The following LGMN variants were observed in gnomAD, a reference collection of about 807,000 sequenced individuals.
The protein encoded by LGMN is asparaginyl endopeptidase.
In LGMN, 36 loss-of-function variants were observed where a neutral mutation model predicts 56.8. The ratio of observed to expected loss-of-function variants is 0.63; its 90% CI spans 0.49 to 0.84. The LOEUF (loss-of-function observed/expected upper bound fraction) is 0.84. Among genes scored for constraint, LGMN ranks in the 40% least tolerant of loss-of-function variants. The pLI, the probability that LGMN is intolerant of heterozygous loss-of-function variation, is 0.00. For synonymous variants in LGMN, 199 were observed against 210.1 expected, an observed-to-expected ratio of 0.95 and a Z score of 0.46; for missense variants, 446 against 556.1, an observed-to-expected ratio of 0.80 and a Z score of 1.99.
intron 2 of LGMN, among the ~76,000 whole-genome samples, chr14:92,731,868 GC>G (rs1264402211): frequency 2.0e-5 from 3 of 152,228 alleles, no homozygotes; most frequent in Non-Finnish European, 4.4e-5. Flanking sequence ...TTGAGGAACT[GC>G]CAGACTCTTT....
At chr14:92,729,021 G>A (rs969512748) in intron 2 of LGMN, among the ~76,000 whole-genome samples, 7 of 151,986 alleles carry the variant, frequency 4.6e-5, no homozygotes, top group South Asian at 2.1e-4. Flanking sequence ...GACATGCATC[G>A]CCAGCACCCT....
chr14:92,732,681 C>T lies in LGMN; in HGVS notation c.106G>A (p.Gly36Ser). 1 of 1,614,102 alleles carries T rather than the reference C, an allele frequency of 6.2e-7. No individual in the cohort carries two copies. Among genetic ancestry groups the T allele is most frequent in the Non-Finnish European group, 8.5e-7 (1 of 1,180,034 alleles). ...GGKHWVVIVA[G>S]SNGWYNYRHQ... ...CTATAATTATACCAGCCATTTGAAC[C>T]TGCCACGATCACCACCCAGTGCTTG... Residue 36 changes from glycine to serine, a missense_variant, in exon 2 of 14, where the codon GGT becomes AGT. Coordinates refer to ENST00000334869, the MANE Select transcript of LGMN (RefSeq NM_005606.7).
rs752808040 is a variant in LGMN at position 92,712,812 on chromosome 14, G to A, written c.603C>T (p.Asn201=). 1.9e-6 allele frequency: 3 copies of A among 1,613,822 alleles called. No individual in the cohort carries two copies. The highest frequency in any genetic ancestry group is 2.5e-6 in the Non-Finnish European group (3 of 1,179,906). Residue 201 remains asparagine, a synonymous_variant, in exon 8 of 14, where the codon AAC becomes AAT. Coordinates refer to ENST00000334869, the MANE Select transcript of LGMN (RefSeq NM_005606.7). ...SGSMMNHLPD[N]INVYATTAAN... ...GGCGCCCCAACCACCTACCATTGATGTTATCCGGCAGGTGGTTCATCATGG... is the reference window on the plus strand; with the variant it reads ...GGCGCCCCAACCACCTACCATTGATATTATCCGGCAGGTGGTTCATCATGG...
intron 3 of LGMN, among the ~76,000 whole-genome samples, chr14:92,718,393 G>A (rs1890178671): frequency 6.6e-6 from 1 of 152,066 alleles, no homozygotes; most frequent in African/African-American, 2.4e-5. Flanking sequence ...GGCCAACATG[G>A]TGAAATCCTG....
intron 12 of LGMN, 99 bp from the exon 13 acceptor site, chr14:92,704,806 T>G (rs1889344304): frequency 6.4e-6 from 6 of 936,808 alleles, no homozygotes; most frequent in Non-Finnish European, 1.1e-5. Context: ...GACCAGTGGC[T>G]CTTGCCCTAT....
At chr14:92,707,578 C>T (rs1889505732) in intron 11 of LGMN, among the ~76,000 whole-genome samples, 1 of 152,248 alleles carries the variant, frequency 6.6e-6, no homozygotes, top group African/African-American at 2.4e-5. Context: ...GATACTCCCA[C>T]ATGTAAAGCA....
intron 11 of LGMN, 36 bp downstream of exon 11, chr14:92,709,636 C>T (rs1283141159): frequency 3.2e-6 from 5 of 1,582,758 alleles, no homozygotes; most frequent in African/African-American, 1.3e-5. Context: ...GGGCTGGGGA[C>T]AGCACCTGGG....
At chr14:92,738,399 C>G (rs146725075) in intron 1 of LGMN, among the ~76,000 whole-genome samples, 2,254 of 151,818 alleles carry the variant, frequency 0.015, 60 homozygotes, top group African/African-American at 0.052. Context: ...CTGCCTCAGC[C>G]TCCCGAGCAG....
chr14:92,724,057 GA>G (rs1890627610), intron 2 of LGMN, among the ~76,000 whole-genome samples: 1 of 152,176 alleles, frequency 6.6e-6, no homozygotes, highest in Non-Finnish European at 1.5e-5. Context: ...TGGGATGATG[GA>G]AATATCAAAC....
At chr14:92,707,778 C>T in intron 11 of LGMN, among the ~76,000 whole-genome samples, 1 of 152,076 alleles carries the variant, frequency 6.6e-6, no homozygotes, top group East Asian at 1.9e-4. Context: ...AATAGTTAAA[C>T]AGTCTTGGAA....
At chr14:92,741,192 G>GA (rs796646065) in intron 1 of LGMN, 265 of 107,628 alleles carry the variant, frequency 2.5e-3, no homozygotes, top group South Asian at 9.5e-3. Flanking sequence ...GTCAAGAAAA[G>GA]AAAAAAAAAA....
In LGMN at chr14:92,718,810, C is replaced by A. The variant is rs1488328832; in HGVS notation, c.173G>T (p.Arg58Leu). The A allele has an allele frequency of 3.7e-6, 6 of 1,612,806 alleles. No homozygotes were observed. The highest frequency in any genetic ancestry group is 5.1e-6 in the Non-Finnish European group (6 of 1,179,260). ...DACHAYQIIH[R>L]NGIPDEQIVV... is the part of the protein sequence containing the mutation. ...GATCTGTTCGTCAGGAATCCCATTG[C>A]GGTGAATGATCTGGTAGGCATGGCA... is the stretch of plus-strand genomic sequence containing the variant. Residue 58 changes from arginine (R) to leucine (L), a missense_variant, in exon 3 of 14, where the codon CGC becomes CTC. Transcript: ENST00000334869.
intron 12 of LGMN, 193 bp from the exon 13 acceptor site, chr14:92,704,900 G>C: frequency 1.8e-6 from 1 of 547,486 alleles, no homozygotes; most frequent in Non-Finnish European, 3.4e-6. Context: ...ACACATGCCA[G>C]GGTTTGCATG....
intron 2 of LGMN, among the ~76,000 whole-genome samples, chr14:92,719,344 GCCACCACCACCAACA>G (rs1206907904): frequency 1.3e-5 from 1 of 74,430 alleles, no homozygotes; most frequent in Non-Finnish European, 2.6e-5. Flanking sequence ...CGCCATCACC[GCCACCACCACCAACA>G]CCACCACCAC....
intron 2 of LGMN, among the ~76,000 whole-genome samples, chr14:92,720,594 G>T (rs888293536): frequency 6.6e-6 from 1 of 152,248 alleles, no homozygotes; most frequent in African/African-American, 2.4e-5. Flanking sequence ...CTGAATGCGG[G>T]AGGCGGCGGT....
intron 1 of LGMN, among the ~76,000 whole-genome samples, chr14:92,742,582 C>A (rs1461590119): frequency 6.6e-6 from 1 of 152,046 alleles, no homozygotes; most frequent in Admixed American, 6.6e-5. Context: ...CCACTGCACC[C>A]AGCCTGTCTT....
At chr14:92,737,082 C>A (rs985636128) in intron 1 of LGMN, among the ~76,000 whole-genome samples, 12 of 152,160 alleles carry the variant, frequency 7.9e-5, no homozygotes, top group African/African-American at 2.4e-4. Context: ...CTAACTTTCT[C>A]TGCAAAGGAC....
chr14:92,734,327 A>C (rs1182196517), intron 1 of LGMN, among the ~76,000 whole-genome samples: 1 of 152,124 alleles, frequency 6.6e-6, no homozygotes, highest in Non-Finnish European at 1.5e-5. Context: ...GCAAGACTTT[A>C]TTATTACTGA....
intron 1 of LGMN, among the ~76,000 whole-genome samples, chr14:92,735,085 T>C (rs928595348): frequency 1.1e-5 from 1 of 94,856 alleles, no homozygotes; most frequent in Non-Finnish European, 2.0e-5. Context: ...AGTAACTAAA[T>C]AGGAAGTGCT....
Sources: allele counts gnomAD v4.1 joint callset (sites outside exome capture counted in the v4.1 genomes callset), GRCh38; gene constraint gnomAD v4.1.1; transcripts MANE v1.5; gene names NCBI Gene and HGNC (gene_info 2026-07-23, HGNC 2026-07-21).